TENM4: variants seen among roughly 807,000 people sequenced by gnomAD.
The protein encoded by TENM4 is teneurin-4.
Under a neutral mutation model 243.3 loss-of-function variants are expected in TENM4, and 82 were observed. That is an observed-to-expected ratio of 0.34 (90% CI 0.28 to 0.40). The LOEUF is 0.40. Ranked by LOEUF, TENM4 falls within the 10% of genes least tolerant of loss-of-function variation. The pLI, the probability that TENM4 is intolerant of heterozygous loss-of-function variation, is 1.00. For missense variants in TENM4, 3,138 were observed against 3,673.3 expected, an observed-to-expected ratio of 0.85 and a Z score of 3.77; for synonymous variants, 1,412 against 1,456.3, an observed-to-expected ratio of 0.97 and a Z score of 0.69.
intron 5 of TENM4, among the ~76,000 whole-genome samples, chr11:79,065,888 A>G (rs1483984500): frequency 6.6e-6 from 1 of 152,210 alleles, no homozygotes; most frequent in African/African-American, 2.4e-5. Context: ...TGTGAATTCA[A>G]TGTCTATTCA....
At chr11:79,147,044 C>T (rs538870044) in intron 4 of TENM4, among the ~76,000 whole-genome samples, 6 of 152,210 alleles carry the variant, frequency 3.9e-5, no homozygotes, top group African/African-American at 7.2e-5. Context: ...TGCATGCATA[C>T]GTATATGCTA....
chr11:78,831,081 A>G (rs1857969453), intron 12 of TENM4, among the ~76,000 whole-genome samples: 1 of 152,204 alleles, frequency 6.6e-6, no homozygotes, highest in Non-Finnish European at 1.5e-5. Flanking sequence ...GAGAAAATGG[A>G]GGCCTAGAGA....
intron 1 of TENM4, among the ~76,000 whole-genome samples, chr11:79,319,708 A>G (rs1856857211): frequency 6.6e-6 from 1 of 151,906 alleles, no homozygotes; most frequent in African/African-American, 2.4e-5. Context: ...CAAACTAGAT[A>G]CCTAACGTGA....
chr11:79,126,694 G>A lies in TENM4; in HGVS notation c.-66+22016C>T, dbSNP rs141243703. Among the ~76,000 whole-genome samples the A allele has an allele frequency of 9.7e-3, 1,481 of 152,256 alleles. 34 individuals are homozygous for A. Among genetic ancestry groups the A allele is most frequent in the East Asian group, 0.073 (378 of 5,184 alleles). Reference sequence around the variant, plus strand: ...CTAATTTGAATAATAAAAAAACAGAGAATCATGGCCCCTCAATCAATTTCC... The same window carrying A: ...CTAATTTGAATAATAAAAAAACAGAAAATCATGGCCCCTCAATCAATTTCC... On this transcript the variant is annotated intron_variant, in intron 4 of 33. Coordinates refer to ENST00000278550, the MANE Select transcript of TENM4 (RefSeq NM_001098816.3).
intron 6 of TENM4, among the ~76,000 whole-genome samples, chr11:79,043,301 G>A (rs372290179): frequency 6.6e-6 from 1 of 152,200 alleles, no homozygotes; most frequent in East Asian, 1.9e-4. Flanking sequence ...CATTGTGTCT[G>A]GTTCTCTTCT....
chr11:79,271,702 G>A lies in TENM4; in HGVS notation c.-265+25786C>T, dbSNP rs573015328. On this transcript the variant is annotated intron_variant, in intron 2 of 33. Coordinates refer to ENST00000278550, the MANE Select transcript of TENM4 (RefSeq NM_001098816.3). ...GAACTTGCCAGAGTGGTCCTGGCACGGGCTCTTCAGCCCACCTACTCCCCC... is the reference window on the plus strand; with the variant it reads ...GAACTTGCCAGAGTGGTCCTGGCACAGGCTCTTCAGCCCACCTACTCCCCC... 8.5e-5 allele frequency among the ~76,000 whole-genome samples: 13 copies of A among 152,294 alleles called. No individual in the cohort carries two copies. In the South Asian group the frequency reaches 1.0e-3, roughly 12 times the overall value.
chr11:78,801,060 T>C (rs619587), intron 15 of TENM4, among the ~76,000 whole-genome samples: 113,812 of 151,954 alleles, frequency 0.75, 43,268 homozygotes, highest in Non-Finnish European at 0.8. Flanking sequence ...TCTTTGTTAC[T>C]CTATCCTGTG....
In TENM4 at chr11:79,237,707, C is replaced by A. The variant is rs1359660817; in HGVS notation, c.-264-21798G>T. 3.9e-5 allele frequency among the ~76,000 whole-genome samples: 6 copies of A among 152,144 alleles called. No homozygotes were observed. In the East Asian group the frequency reaches 1.2e-3, roughly 29 times the overall value. On this transcript the variant is annotated intron_variant, in intron 2 of 33. Transcript: ENST00000278550. ...AATAAAAAAATAAAGTAAGCACAAA[C>A]AAATCAGTTGTGAGTGTGGGTTGAG...
chr11:79,408,203 C>T (rs1858614522), intron 1 of TENM4, among the ~76,000 whole-genome samples: 1 of 152,240 alleles, frequency 6.6e-6, no homozygotes, highest in Non-Finnish European at 1.5e-5. Context: ...CATGCTGGGC[C>T]AACCACTGCG....
At chr11:79,183,487 A>G (rs981617912) in intron 3 of TENM4, among the ~76,000 whole-genome samples, 1 of 152,204 alleles carries the variant, frequency 6.6e-6, no homozygotes, top group Non-Finnish European at 1.5e-5. Flanking sequence ...CATTATATAC[A>G]TTTGTCAAAA....
rs145838333 is a variant in TENM4, at chr11:78,936,313, C to T, written c.494-32790G>A. Among the ~76,000 whole-genome samples the T allele has an allele frequency of 1.8e-3, 269 of 152,316 alleles. 1 individual carries two copies. Among genetic ancestry groups the T allele is most frequent in the African/African-American group, 6.4e-3 (265 of 41,574 alleles). ...CATTTATAAAATGGGAGCAATATCA[C>T]CTACCTCACTGGGTTGTTTACAGTT... On this transcript the variant is annotated intron_variant, in intron 6 of 33. Transcript: ENST00000278550.
chr11:79,215,007 A>G (rs1236396065), intron 3 of TENM4, among the ~76,000 whole-genome samples: 2 of 152,258 alleles, frequency 1.3e-5, no homozygotes, highest in Non-Finnish European at 2.9e-5. Flanking sequence ...TCATATTTCT[A>G]TCTTGAAAGA....
chr11:78,799,373 C>T (rs780107534), intron 15 of TENM4, among the ~76,000 whole-genome samples: 4 of 152,324 alleles, frequency 2.6e-5, no homozygotes, highest in Non-Finnish European at 5.9e-5. Context: ...GAGTTGTTTA[C>T]GGTTACACAG....
At chr11:79,379,748 T>C (rs1179045586) in intron 1 of TENM4, among the ~76,000 whole-genome samples, 1 of 152,216 alleles carries the variant, frequency 6.6e-6, no homozygotes, top group East Asian at 1.9e-4. Context: ...AAGGCCATCC[T>C]GTTCCAGAGC....
intron 6 of TENM4, among the ~76,000 whole-genome samples, chr11:79,020,281 A>T (rs1858894274): frequency 6.6e-6 from 1 of 152,208 alleles, no homozygotes; most frequent in African/African-American, 2.4e-5. Context: ...ACCGAACACT[A>T]ATTTTGCAGA....
At chr11:78,814,683 G>C (rs1857567783) in intron 12 of TENM4, among the ~76,000 whole-genome samples, 1 of 152,210 alleles carries the variant, frequency 6.6e-6, no homozygotes, top group African/African-American at 2.4e-5. Flanking sequence ...AAAACACTGA[G>C]AGAGAACAGT....
intron 6 of TENM4, among the ~76,000 whole-genome samples, chr11:79,029,982 T>A (rs1859184869): frequency 6.6e-6 from 1 of 151,818 alleles, no homozygotes; most frequent in Non-Finnish European, 1.5e-5. Context: ...GAAAGGGAGG[T>A]TTAGGGCCTT....
rs966927013 is a variant in TENM4, at chr11:79,380,553, T to C, written c.-321+59956A>G. ...TTAATAAGCATTAACAAAGCAAAGA[T>C]TCCTTGTCGCATAAGCTTGGGAAAA... On this transcript the variant is annotated intron_variant, in intron 1 of 33. Coordinates refer to ENST00000278550, the MANE Select transcript of TENM4 (RefSeq NM_001098816.3). 1.1e-4 allele frequency among the ~76,000 whole-genome samples: 16 copies of C among 152,304 alleles called. 1 individual carries two copies. Among genetic ancestry groups the C allele is most frequent in the Admixed American group, 5.2e-4 (8 of 15,298 alleles).
At chr11:79,322,654 A>G (rs1856910700) in intron 1 of TENM4, among the ~76,000 whole-genome samples, 1 of 152,246 alleles carries the variant, frequency 6.6e-6, no homozygotes, top group Admixed American at 6.5e-5. Flanking sequence ...AGAAAGGGAA[A>G]AAAAAGACAA....
Sources: allele counts gnomAD v4.1 joint callset (sites outside exome capture counted in the v4.1 genomes callset), GRCh38; gene constraint gnomAD v4.1.1; transcripts MANE v1.5; gene names NCBI Gene and HGNC (gene_info 2026-07-23, HGNC 2026-07-21).